POU3F3: variants seen among roughly 807,000 people sequenced by gnomAD.
POU3F3 encodes the protein POU class 3 homeobox 3.
In POU3F3, 1 loss-of-function variant was observed where a neutral mutation model predicts 8.6. The observed-to-expected ratio is 0.12, with a 90% confidence interval of 0.04 to 0.55. The LOEUF is 0.55. Ranked by LOEUF, POU3F3 falls within the 20% of genes least tolerant of loss-of-function variation. The pLI is 0.91. For synonymous variants in POU3F3, 418 were observed against 327.4 expected, an observed-to-expected ratio of 1.28 and a Z score of -2.99; for missense variants, 577 against 690.7, an observed-to-expected ratio of 0.84 and a Z score of 1.84.
the POU3F3 span, among the ~76,000 whole-genome samples, chr2:104,900,994 G>A: frequency 6.6e-6 from 1 of 152,158 alleles, no homozygotes; most frequent in East Asian, 1.9e-4. Flanking sequence ...CTTTACCTCT[G>A]TTTTCTGTGT....
the POU3F3 span, among the ~76,000 whole-genome samples, chr2:104,898,828 A>G: frequency 6.6e-6 from 1 of 152,262 alleles, no homozygotes; most frequent in Admixed American, 6.5e-5. Flanking sequence ...TGTTACCCAC[A>G]GGATAAGGAA....
the POU3F3 span, among the ~76,000 whole-genome samples, chr2:104,914,310 T>G: frequency 6.6e-6 from 1 of 152,220 alleles, no homozygotes; most frequent in African/African-American, 2.4e-5. Flanking sequence ...TGTAAAATCT[T>G]AGTGCCATTT....
chr2:104,919,161 A>G, the POU3F3 span, among the ~76,000 whole-genome samples: 1 of 152,156 alleles, frequency 6.6e-6, no homozygotes, highest in African/African-American at 2.4e-5. Context: ...GTGAGCCACC[A>G]TGCCTGGTCC....
chr2:104,865,288 ATC>A, the POU3F3 span: 11 of 152,376 alleles, frequency 7.2e-5, no homozygotes, highest in Non-Finnish European at 1.5e-4. Context: ...AGTGTGAATC[ATC>A]TGTGTGACCC....
Position 104,854,427 on chromosome 2 carries a change from C to T in POU3F3, c.-1084C>T, listed in dbSNP as rs1676506595. On this transcript the variant is annotated 5_prime_UTR_variant, in exon 1 of 1. Coordinates refer to ENST00000361360, the MANE Select transcript of POU3F3 (RefSeq NM_006236.3). This position sits in a 1 kb window ranked among gnomAD's most constrained non-coding sequence, Gnocchi z 4.5. ...CACCAATGCACTCTTCTTCCTCCTC[C>T]TTCTCCAGACAACTGCTGGGAAAAA... Among the ~76,000 whole-genome samples the T allele has an allele frequency of 6.6e-6, 1 of 152,232 alleles. No individual in the cohort carries two copies. Among genetic ancestry groups the T allele is most frequent in the African/African-American group, 2.4e-5 (1 of 41,454 alleles).
At chr2:104,897,462 T>C in the POU3F3 span, among the ~76,000 whole-genome samples, 1 of 151,908 alleles carries the variant, frequency 6.6e-6, no homozygotes, top group Non-Finnish European at 1.5e-5. Context: ...CCACCTGCAA[T>C]AGTGAGAAGA....
chr2:104,884,277 T>C, the POU3F3 span, among the ~76,000 whole-genome samples: 1 of 152,250 alleles, frequency 6.6e-6, no homozygotes, highest in Admixed American at 6.5e-5. Flanking sequence ...AGGGTAATAC[T>C]AGAGGTTAGA....
At chr2:104,866,038 C>G in the POU3F3 span, 1 of 152,192 alleles carries the variant, frequency 6.6e-6, no homozygotes, top group East Asian at 1.9e-4. Flanking sequence ...CAAAATCGCT[C>G]AGGCAAGTCT....
upstream of POU3F3, chr2:104,853,863 A>C (rs1011638412): frequency 1.4e-5 from 2 of 139,994 alleles, no homozygotes; most frequent in Non-Finnish European, 3.1e-5. Flanking sequence ...GCGGCGGGGG[A>C]GGGGCGGGGA....
At chr2:104,900,834 T>C in the POU3F3 span, among the ~76,000 whole-genome samples, 1 of 152,212 alleles carries the variant, frequency 6.6e-6, no homozygotes, top group Admixed American at 6.5e-5. Flanking sequence ...CTCGGCTCAC[T>C]ACCGAGTGAA....
At chr2:104,926,027 C>T in the POU3F3 span, 1 of 152,048 alleles carries the variant, frequency 6.6e-6, no homozygotes, top group East Asian at 1.9e-4. Context: ...AGAAGATTGT[C>T]CTCACCATAG....
the POU3F3 span, among the ~76,000 whole-genome samples, chr2:104,883,223 G>C: frequency 6.6e-6 from 1 of 152,212 alleles, no homozygotes; most frequent in African/African-American, 2.4e-5. Flanking sequence ...GGCCATTAGC[G>C]GGGCAGAGCC....
At chr2:104,872,380 G>A in the POU3F3 span, 10 of 456,142 alleles carry the variant, frequency 2.2e-5, no homozygotes, top group Middle Eastern at 3.2e-4. This position sits in a 1 kb window ranked among gnomAD's most constrained non-coding sequence, Gnocchi z 4.6. Context: ...CCCGCTTCTT[G>A]CAGAAAACCG....
the POU3F3 span, among the ~76,000 whole-genome samples, chr2:104,863,821 A>G: frequency 6.6e-6 from 1 of 152,202 alleles, no homozygotes; most frequent in African/African-American, 2.4e-5. Context: ...GTGCGGGCAG[A>G]AGAAGTCAGA....
chr2:104,925,106 A>G, the POU3F3 span, among the ~76,000 whole-genome samples: 5 of 152,160 alleles, frequency 3.3e-5, no homozygotes, highest in African/African-American at 1.2e-4. Context: ...CTCCTAGCCT[A>G]CCTTGGAGCA....
At chr2:104,926,713 T>C in the POU3F3 span, among the ~76,000 whole-genome samples, 2 of 152,112 alleles carry the variant, frequency 1.3e-5, no homozygotes, top group Admixed American at 1.3e-4. Context: ...CCATCAATGA[T>C]AGACTAGATA....
At chr2:104,891,803 C>T in the POU3F3 span, among the ~76,000 whole-genome samples, 20 of 152,242 alleles carry the variant, frequency 1.3e-4, no homozygotes, top group East Asian at 5.8e-4. Context: ...GCAGTCTCCC[C>T]GACATCAAAC....
At chr2:104,882,387 G>C in the POU3F3 span, among the ~76,000 whole-genome samples, 1 of 151,892 alleles carries the variant, frequency 6.6e-6, no homozygotes. Flanking sequence ...AAGTAGCTGG[G>C]ACTATAGGCG....
At chr2:104,889,912 T>C in the POU3F3 span, among the ~76,000 whole-genome samples, 105 of 152,338 alleles carry the variant, frequency 6.9e-4, 1 homozygote, top group Middle Eastern at 0.01. Flanking sequence ...CTTGTAAGTT[T>C]TTTTTTTCAC....
Sources: allele counts gnomAD v4.1 joint callset (sites outside exome capture counted in the v4.1 genomes callset), GRCh38; gene constraint gnomAD v4.1.1; non-coding constraint Gnocchi (gnomAD v3.1); transcripts MANE v1.5; gene names NCBI Gene and HGNC (gene_info 2026-07-23, HGNC 2026-07-21).